The following SULT1B1 variants were observed in gnomAD, a reference collection of about 807,000 sequenced individuals.
The protein encoded by SULT1B1 is sulfotransferase 1B1.
SULT1B1 carries 28 observed loss-of-function variants against 34.6 expected under a neutral mutation model. The observed-to-expected ratio is 0.81, with a 90% CI of 0.60 to 1.11. The LOEUF is 1.11. Ranked by LOEUF, SULT1B1 falls within the 50% of genes least tolerant of loss-of-function variation. The probability of loss-of-function intolerance (pLI) is 0.00; values close to 1 mark genes in which losing one functional copy is unlikely to be tolerated. For missense variants in SULT1B1, 374 were observed against 352.2 expected (o/e 1.06, Z -0.50); for synonymous variants, 147 against 110.2 (o/e 1.33, Z -2.09).
chr4:69,725,771 A>G lies in SULT1B1; in HGVS notation c.*1317T>C, dbSNP rs1717810800. The G allele has an allele frequency of 6.6e-6, 1 of 151,740 alleles. No homozygotes were observed. The highest frequency in any genetic ancestry group is 1.5e-5 in the Non-Finnish European group (1 of 67,966). 9.4% of individuals were successfully genotyped at this position (151,740 alleles called of 1,614,324 possible). On this transcript the variant is annotated 3_prime_UTR_variant, in exon 8 of 8. Coordinates refer to ENST00000310613, the MANE Select transcript of SULT1B1 (RefSeq NM_014465.4). ...TACTTTTCAGCAAACTATTGCAAGA[A>G]CAAAAAAACCAAACACCTCATGTTC... is the stretch of plus-strand genomic sequence containing the variant.
At chr4:69,727,768 T>C (rs1717893057) in intron 7 of SULT1B1, among the ~76,000 whole-genome samples, 1 of 152,022 alleles carries the variant, frequency 6.6e-6, no homozygotes, top group Non-Finnish European at 1.5e-5. Flanking sequence ...AATAATAACA[T>C]TAATATCAAA....
chr4:69,734,030 C>A, intron 5 of SULT1B1, 108 bp downstream of exon 5: 1 of 974,230 alleles, frequency 1.0e-6, no homozygotes, highest in Non-Finnish European at 1.4e-6. Flanking sequence ...TTTGAACATA[C>A]TTTTCACTAG....
At chr4:69,744,296 C>T (rs532981708) in intron 4 of SULT1B1, among the ~76,000 whole-genome samples, 12 of 152,314 alleles carry the variant, frequency 7.9e-5, no homozygotes, top group African/African-American at 1.9e-4. Flanking sequence ...TCAGCGGAGG[C>T]GCAGCGGCCC....
At position 69,733,404 on chromosome 4, in the gene SULT1B1, C is replaced by A. The variant is rs770845754; in HGVS notation, c.597+9G>T. 6.4e-7 allele frequency: 1 copy of A among 1,566,712 alleles called. No individual in the cohort carries two copies. Among genetic ancestry groups the A allele is most frequent in the Non-Finnish European group, 8.7e-7 (1 of 1,151,206 alleles). ...GGAAATTATCCAGAATCCATATCTA[C>A]CATTTTACCTCTTTCATATCTTCAT... is the stretch of plus-strand genomic sequence containing the variant. On this transcript the variant is annotated intron_variant, in intron 6 of 7. Coordinates refer to ENST00000310613, the MANE Select transcript of SULT1B1 (RefSeq NM_014465.4).
rs998755382 is a variant in SULT1B1, at chr4:69,721,362, C to T, written c.*5726G>A. The stretch of plus-strand genomic sequence containing the variant: ...TTTATACATGGGTCATTGATAACCA[C>T]CAGTATCTCTCTTTTTCCCCGGCCT... On this transcript the variant is annotated 3_prime_UTR_variant, in exon 8 of 8. Coordinates refer to ENST00000310613, the MANE Select transcript of SULT1B1 (RefSeq NM_014465.4). 23 of 152,198 alleles carry T rather than the reference C, an allele frequency of 1.5e-4. No individual in the cohort carries two copies. The highest frequency in any genetic ancestry group is 5.1e-4 in the African/African-American group (21 of 41,566). The allele number at this position is 152,198 out of a possible 1,614,324, so 9.4% of individuals were successfully genotyped here. A position where few individuals can be genotyped will look rare whatever the true frequency, so the allele number is the denominator to read the frequency against.
At chr4:69,733,287 C>T in intron 6 of SULT1B1, 126 bp downstream of exon 6, 2 of 566,278 alleles carry the variant, frequency 3.5e-6, no homozygotes, top group Non-Finnish European at 6.0e-6. Context: ...TGGGTAAAAA[C>T]ACATGGTGGA....
At chr4:69,759,073 T>C (rs966838444) in intron 1 of SULT1B1, among the ~76,000 whole-genome samples, 1 of 152,198 alleles carries the variant, frequency 6.6e-6, no homozygotes, top group Non-Finnish European at 1.5e-5. Flanking sequence ...TGTAAGTAAA[T>C]GATTTAATCA....
intron 5 of SULT1B1, 64 bp downstream of exon 5, chr4:69,734,074 G>T: frequency 2.4e-6 from 3 of 1,267,328 alleles, no homozygotes; most frequent in Non-Finnish European, 3.2e-6. Flanking sequence ...AGTCATAAAA[G>T]TTATTGTTAA....
intron 7 of SULT1B1, 37 bp downstream of exon 7, chr4:69,730,464 A>T: frequency 6.4e-7 from 1 of 1,556,430 alleles, no homozygotes; most frequent in Non-Finnish European, 8.8e-7. Context: ...TTCATAAGAA[A>T]GTACGAAAGG....
chr4:69,744,954 A>C lies in SULT1B1; in HGVS notation c.375+4767T>G, dbSNP rs1005092659. Among the ~76,000 whole-genome samples, 3 of 152,160 alleles carry C rather than the reference A, an allele frequency of 2.0e-5. No individual in the cohort carries two copies. In the East Asian group the frequency reaches 5.8e-4, roughly 29 times the overall value. On this transcript the variant is annotated intron_variant, in intron 4 of 7. Transcript: ENST00000310613. ...ATCTCTGTTTTCATTTGTTTCAAAG[A>C]CTTTTTTAAAATTTTCTGCCTTAAT...
Position 69,730,692 on chromosome 4 carries a change from G to A in SULT1B1, c.598-11C>T. 1 of 1,606,746 alleles carries A rather than the reference G, an allele frequency of 6.2e-7. No homozygotes were observed. Among genetic ancestry groups the A allele is most frequent in the Non-Finnish European group, 8.5e-7 (1 of 1,177,140 alleles). ...TTCCTCCTTTGGATTCTATTAGTGGGTAAAACCCAAGACAATAAACAAGTA... is the reference window on the plus strand; with the variant it reads ...TTCCTCCTTTGGATTCTATTAGTGGATAAAACCCAAGACAATAAACAAGTA... On this transcript the variant is annotated splice_polypyrimidine_tract_variant and intron_variant, in intron 6 of 7. Coordinates refer to ENST00000310613, the MANE Select transcript of SULT1B1 (RefSeq NM_014465.4).
intron 4 of SULT1B1, among the ~76,000 whole-genome samples, chr4:69,746,060 C>G (rs115676253): frequency 0.028 from 4,245 of 152,272 alleles, 209 homozygotes; most frequent in African/African-American, 0.096. Flanking sequence ...TGTAAGATTT[C>G]TGCTGAATAG....
At chr4:69,730,127 G>T (rs562761395) in intron 7 of SULT1B1, among the ~76,000 whole-genome samples, 1 of 152,122 alleles carries the variant, frequency 6.6e-6, no homozygotes, top group South Asian at 2.1e-4. Context: ...CTATGGTACT[G>T]TACTAAGTGA....
chr4:69,757,770 A>T (rs1305475299), intron 1 of SULT1B1, among the ~76,000 whole-genome samples: 1 of 152,208 alleles, frequency 6.6e-6, no homozygotes, highest in Non-Finnish European at 1.5e-5. Flanking sequence ...GTCCTGAAAC[A>T]TGTAGCATCT....
chr4:69,746,865 T>A (rs898167536), intron 4 of SULT1B1, among the ~76,000 whole-genome samples: 1 of 152,238 alleles, frequency 6.6e-6, no homozygotes, highest in Non-Finnish European at 1.5e-5. Context: ...CTTTGGATGG[T>A]GCTTTTTGCT....
At position 69,730,492 on chromosome 4, in the gene SULT1B1, A is replaced by G. The variant is rs1161739269; in HGVS notation, c.778+9T>C. ...ACGAAAGGGAAATTAAACCCAGCAAAGTATTTACCTTTACGCATAAAAGGG... is the reference window on the plus strand; with the variant it reads ...ACGAAAGGGAAATTAAACCCAGCAAGGTATTTACCTTTACGCATAAAAGGG... On this transcript the variant is annotated intron_variant, in intron 7 of 7. Transcript: ENST00000310613. The G allele has an allele frequency of 6.3e-7, 1 of 1,581,836 alleles. No individual in the cohort carries two copies. The highest frequency in any genetic ancestry group is 2.3e-5 in the East Asian group (1 of 44,042).
intron 1 of SULT1B1, 35 bp from the exon 2 acceptor site, chr4:69,755,296 A>G (rs1276158870): frequency 6.6e-7 from 1 of 1,511,688 alleles, no homozygotes; most frequent in Admixed American, 1.8e-5. Flanking sequence ...TCAGAATCTG[A>G]GTAACTAATG....
intron 4 of SULT1B1, among the ~76,000 whole-genome samples, chr4:69,742,494 G>C (rs1198287786): frequency 6.6e-6 from 1 of 152,166 alleles, no homozygotes; most frequent in Non-Finnish European, 1.5e-5. Context: ...AATCTGTCTG[G>C]CCCAGGGGTT....
chr4:69,728,171 A>T (rs932304930), intron 7 of SULT1B1, among the ~76,000 whole-genome samples: 1 of 152,084 alleles, frequency 6.6e-6, no homozygotes, highest in Non-Finnish European at 1.5e-5. Context: ...TGTCATTAAA[A>T]ACAGAGGAGA....
Sources: allele counts gnomAD v4.1 joint callset (sites outside exome capture counted in the v4.1 genomes callset), GRCh38; gene constraint gnomAD v4.1.1; transcripts MANE v1.5; gene names NCBI Gene and HGNC (gene_info 2026-07-23, HGNC 2026-07-21).